Variants in AUTS2 observed in about 807,000 individuals in gnomAD.
AUTS2 encodes the protein autism susceptibility gene 2 protein.
A neutral mutation model predicts 112.4 loss-of-function variants in AUTS2; 17 were observed. The observed-to-expected ratio is 0.15, with a 90% CI of 0.10 to 0.23. AUTS2 has a LOEUF of 0.23. Among genes scored for constraint, AUTS2 ranks in the 10% least tolerant of loss-of-function variants. The pLI is 1.00. For missense variants in AUTS2, 1,510 were observed against 1,701.6 expected (o/e 0.89, Z 1.98); for synonymous variants, 751 against 702.7 (o/e 1.07, Z -1.09).
At chr7:70,233,012 T>G (rs939058618) in intron 4 of AUTS2, among the ~76,000 whole-genome samples, 1 of 152,258 alleles carries the variant, frequency 6.6e-6, no homozygotes, top group Non-Finnish European at 1.5e-5. Flanking sequence ...AATTCACATA[T>G]TAGTAGTATC....
At chr7:69,608,462 A>G (rs536173360) in intron 1 of AUTS2, among the ~76,000 whole-genome samples, 10 of 152,348 alleles carry the variant, frequency 6.6e-5, no homozygotes, top group African/African-American at 2.4e-4. Flanking sequence ...GTCCCATATT[A>G]TAAGTATTTC....
At chr7:69,877,095 A>G (rs980896596) in intron 1 of AUTS2, among the ~76,000 whole-genome samples, 24 of 152,216 alleles carry the variant, frequency 1.6e-4, no homozygotes, top group African/African-American at 5.3e-4. Flanking sequence ...CAGCTTAATG[A>G]TTTACTTATT....
At chr7:69,891,547 C>T (rs1205980593) in intron 1 of AUTS2, among the ~76,000 whole-genome samples, 1 of 152,010 alleles carries the variant, frequency 6.6e-6, no homozygotes, top group East Asian at 1.9e-4. Flanking sequence ...TTTAAAGAAA[C>T]TACTAAACTT....
At chr7:70,573,289 A>G (rs988259786) in intron 5 of AUTS2, among the ~76,000 whole-genome samples, 7 of 152,196 alleles carry the variant, frequency 4.6e-5, no homozygotes, top group Non-Finnish European at 8.8e-5. Flanking sequence ...GGATTTAATG[A>G]GCTGGGAACG....
intron 4 of AUTS2, among the ~76,000 whole-genome samples, chr7:70,280,116 A>T (rs770747623): frequency 2.6e-5 from 4 of 152,144 alleles, no homozygotes; most frequent in Non-Finnish European, 5.9e-5. Context: ...CAGTTGCTTC[A>T]CAATGTCTGC....
At chr7:70,519,191 C>T (rs1486974494) in intron 5 of AUTS2, among the ~76,000 whole-genome samples, 1 of 152,116 alleles carries the variant, frequency 6.6e-6, no homozygotes, top group Admixed American at 6.5e-5. Context: ...GGCATCAACA[C>T]GGTCATAGAG....
chr7:70,533,118 G>C (rs144064594), intron 5 of AUTS2, among the ~76,000 whole-genome samples: 1 of 152,024 alleles, frequency 6.6e-6, no homozygotes, highest in African/African-American at 2.4e-5. Context: ...GAAAGGAACC[G>C]GCCTGATTTA....
intron 5 of AUTS2, among the ~76,000 whole-genome samples, chr7:70,463,059 C>T (rs993847209): frequency 2.2e-4 from 33 of 152,070 alleles, no homozygotes; most frequent in Admixed American, 7.2e-4. Flanking sequence ...TGGTTGGGTT[C>T]AGATACTTTC....
At chr7:69,924,728 T>A (rs545613654) in intron 2 of AUTS2, among the ~76,000 whole-genome samples, 2 of 152,232 alleles carry the variant, frequency 1.3e-5, no homozygotes, top group South Asian at 2.1e-4. Flanking sequence ...ATTTTGTATT[T>A]TTAGTAGAGA....
At chr7:69,802,869 C>G (rs541215363) in intron 1 of AUTS2, among the ~76,000 whole-genome samples, 1 of 152,120 alleles carries the variant, frequency 6.6e-6, no homozygotes, top group Admixed American at 6.6e-5. Flanking sequence ...TCTTCCATTG[C>G]GAAGATCTTT....
chr7:69,936,025 T>C (rs750575125), intron 2 of AUTS2, among the ~76,000 whole-genome samples: 29 of 152,230 alleles, frequency 1.9e-4, no homozygotes, highest in Non-Finnish European at 4.0e-4. Context: ...AATATAACAA[T>C]GAGTTCTGTG....
intron 2 of AUTS2, among the ~76,000 whole-genome samples, chr7:70,065,622 G>A (rs769299900): frequency 2.6e-5 from 4 of 152,104 alleles, no homozygotes; most frequent in Non-Finnish European, 4.4e-5. Flanking sequence ...GCTTGAACCC[G>A]AGAGGCGGAG....
At chr7:69,841,679 C>T (rs1346256516) in intron 1 of AUTS2, among the ~76,000 whole-genome samples, 1 of 152,174 alleles carries the variant, frequency 6.6e-6, no homozygotes, top group Non-Finnish European at 1.5e-5. Context: ...GTGGGTATTA[C>T]TCCGGATTAC....
intron 4 of AUTS2, among the ~76,000 whole-genome samples, chr7:70,397,680 CAT>C (rs1491089136): frequency 6.6e-6 from 1 of 151,922 alleles, no homozygotes; most frequent in Non-Finnish European, 1.5e-5. Context: ...CACACACACA[CAT>C]TCTGCAAAGA....
At chr7:70,557,785 C>T (rs1012563517) in intron 5 of AUTS2, among the ~76,000 whole-genome samples, 5 of 152,198 alleles carry the variant, frequency 3.3e-5, no homozygotes, top group Admixed American at 6.5e-5. Flanking sequence ...TCAATATCAC[C>T]TTTTGTGTTT....
At chr7:70,764,110 T>C (rs907253534) in intron 7 of AUTS2, among the ~76,000 whole-genome samples, 1 of 152,124 alleles carries the variant, frequency 6.6e-6, no homozygotes, top group Non-Finnish European at 1.5e-5. Flanking sequence ...TTTGTTACTG[T>C]TTTTCTTTTG....
intron 5 of AUTS2, among the ~76,000 whole-genome samples, chr7:70,571,356 A>G (rs1316164930): frequency 6.6e-6 from 1 of 152,204 alleles, no homozygotes; most frequent in African/African-American, 2.4e-5. Context: ...TGCCTAACAC[A>G]GTGTCTGGCA....
intron 1 of AUTS2, among the ~76,000 whole-genome samples, chr7:69,651,439 TG>T (rs1795282816): frequency 6.6e-6 from 1 of 152,248 alleles, no homozygotes; most frequent in Admixed American, 6.5e-5. Flanking sequence ...ATTTCTGGAT[TG>T]TTTGAACTAG....
rs200732290 is a variant in AUTS2 at position 70,003,323 on chromosome 7, CAT to C, written c.522+103828_522+103829del. Reference sequence around the variant, plus strand: ...ATATATTATATATGAATATATATAACATATGAATATATAATATGTATGAATAT... The same window carrying C: ...ATATATTATATATGAATATATATAACATGAATATATAATATGTATGAATAT... On this transcript the variant is annotated intron_variant, in intron 2 of 18. Transcript: ENST00000342771. Among the ~76,000 whole-genome samples, 471 of 124,392 alleles carry C rather than the reference CAT, an allele frequency of 3.8e-3. 2 individuals carry two copies. Among genetic ancestry groups the C allele is most frequent in the African/African-American group, 0.012 (391 of 32,522 alleles). 81.6% of individuals were successfully genotyped at this position (124,392 alleles called of 152,430 possible). A position where few individuals can be genotyped will look rare whatever the true frequency, so the allele number is the denominator to read the frequency against.
Sources: gnomAD v4.1 joint callset for allele counts (sites outside exome capture counted in the v4.1 genomes callset) on GRCh38, gnomAD v4.1.1 for gene constraint, MANE v1.5 for transcripts, NCBI Gene and HGNC (gene_info 2026-07-23, HGNC 2026-07-21) for gene names.